Variants in ACYP2 observed in about 807,000 individuals in gnomAD.
ACYP2 encodes acylphosphatase 2.
Under a neutral mutation model 11.2 loss-of-function variants are expected in ACYP2, and 12 were observed. That is an observed-to-expected ratio of 1.08 (90% CI 0.69 to 1.74). The LOEUF is 1.74. Among genes scored for constraint, ACYP2 ranks in the 40% most tolerant of loss-of-function variants. The probability of loss-of-function intolerance (pLI) is 0.00; values close to 1 mark genes in which losing one functional copy is unlikely to be tolerated. For synonymous variants in ACYP2, 43 were observed against 32.2 expected, an observed-to-expected ratio of 1.33 and a Z score of -1.13; for missense variants, 134 against 101.9, an observed-to-expected ratio of 1.31 and a Z score of -1.35.
intron 6 of ACYP2, among the ~76,000 whole-genome samples, chr2:54,180,363 G>A (rs1405989295): frequency 3.3e-5 from 5 of 152,012 alleles, no homozygotes; most frequent in Non-Finnish European, 5.9e-5. Flanking sequence ...GTTAGCGGGT[G>A]GGGCTGAATA....
At chr2:54,159,785 C>T (rs7567556) in intron 6 of ACYP2, among the ~76,000 whole-genome samples, 11,848 of 152,104 alleles carry the variant, frequency 0.078, 882 homozygotes, top group African/African-American at 0.2. Flanking sequence ...CTTGCCTCTC[C>T]TTCTGGCTTC....
intron 5 of ACYP2, among the ~76,000 whole-genome samples, chr2:54,137,571 T>C (rs527884818): frequency 5.3e-5 from 8 of 152,330 alleles, no homozygotes; most frequent in African/African-American, 1.9e-4. Context: ...CTAAGGATAA[T>C]GGCCTCCAGC....
At chr2:53,982,873 T>A (rs1255619814) in intron 2 of ACYP2, among the ~76,000 whole-genome samples, 8 of 135,760 alleles carry the variant, frequency 5.9e-5, no homozygotes, top group African/African-American at 1.7e-4. Context: ...TGTGTGTGTG[T>A]GATATAAATA....
intron 6 of ACYP2, among the ~76,000 whole-genome samples, chr2:54,201,680 T>TTCTCTCTC (rs60167120): frequency 1.0e-4 from 11 of 107,284 alleles, no homozygotes; most frequent in South Asian, 3.7e-4. Context: ...CTTTCTTTCT[T>TTCTCTCTC]TCTCTCTCTC....
chr2:54,055,344 A>T lies in ACYP2; in HGVS notation c.156-1895A>T, dbSNP rs538046157. 2.0e-5 allele frequency among the ~76,000 whole-genome samples: 3 copies of T among 152,262 alleles called. No individual in the cohort carries two copies. In the South Asian group the frequency reaches 6.2e-4, roughly 32 times the overall value. ...CAGCCTGGTTTTTCTTAAATGAGATAATTTCTTCCTTTTTTCCTAAATCAT... is the reference window on the plus strand; with the variant it reads ...CAGCCTGGTTTTTCTTAAATGAGATTATTTCTTCCTTTTTTCCTAAATCAT... On this transcript the variant is annotated intron_variant, in intron 3 of 6. Transcript: ENST00000607452.
Position 54,150,730 on chromosome 2 carries a change from C to T in ACYP2, c.404+11982C>T, listed in dbSNP as rs150780670. 1.1e-3 allele frequency among the ~76,000 whole-genome samples: 131 copies of T among 123,754 alleles called. 1 individual carries two copies. The highest frequency in any genetic ancestry group is 3.7e-3 in the African/African-American group (118 of 32,146). The allele number at this position is 123,754 out of a possible 152,430, so 81.2% of individuals were successfully genotyped here. A position where few individuals can be genotyped will look rare whatever the true frequency, so the allele number is the denominator to read the frequency against. ...AGCCACGGCGCTTGGCTAGATTCTGCGTTTCTTTCTTTTTTTTTTTTTTTT... is the reference window on the plus strand; with the variant it reads ...AGCCACGGCGCTTGGCTAGATTCTGTGTTTCTTTCTTTTTTTTTTTTTTTT... On this transcript the variant is annotated intron_variant, in intron 6 of 6. Transcript: ENST00000607452.
At chr2:54,215,302 G>C (rs979421478) in intron 6 of ACYP2, among the ~76,000 whole-genome samples, 1 of 152,154 alleles carries the variant, frequency 6.6e-6, no homozygotes, top group Non-Finnish European at 1.5e-5. Flanking sequence ...GGAATGGTGA[G>C]AGAGGGCATC....
At chr2:53,996,940 C>A (rs1461708502) in intron 2 of ACYP2, among the ~76,000 whole-genome samples, 3 of 152,154 alleles carry the variant, frequency 2.0e-5, no homozygotes, top group African/African-American at 7.2e-5. Flanking sequence ...CTATTATGTA[C>A]AAAATAAAGC....
chr2:54,178,543 A>G (rs1683572927), intron 6 of ACYP2, among the ~76,000 whole-genome samples: 1 of 152,226 alleles, frequency 6.6e-6, no homozygotes, highest in African/African-American at 2.4e-5. Context: ...CTTCATTAAA[A>G]CAGCTAAACA....
intron 4 of ACYP2, among the ~76,000 whole-genome samples, chr2:54,120,765 G>A (rs6721970): frequency 0.23 from 35,114 of 152,016 alleles, 4,484 homozygotes; most frequent in South Asian, 0.41. Flanking sequence ...CAGGGGTGCC[G>A]TGACCAACTT....
chr2:54,126,719 G>A (rs1346353354), intron 4 of ACYP2, among the ~76,000 whole-genome samples: 1 of 151,992 alleles, frequency 6.6e-6, no homozygotes, highest in Non-Finnish European at 1.5e-5. Context: ...AGGCCTAGGC[G>A]GGCGGATCAC....
chr2:54,094,885 T>A (rs1009359383), intron 4 of ACYP2, among the ~76,000 whole-genome samples: 20 of 152,250 alleles, frequency 1.3e-4, no homozygotes, highest in African/African-American at 2.2e-4. Context: ...TGTTTTTTTT[T>A]AAACTTCCTT....
rs74421646 is a variant in ACYP2, at chr2:54,073,074, A to G, written c.277+15714A>G. ...GTAGACTAGAATTGAGAGTTCAGAA[A>G]TAAACTCTTATATTTACAGTCAATT... On this transcript the variant is annotated intron_variant, in intron 4 of 6. Coordinates refer to ENST00000607452, the MANE Select transcript of ACYP2 (RefSeq NM_001320586.2). Among the ~76,000 whole-genome samples, 718 of 152,360 alleles carry G rather than the reference A, an allele frequency of 4.7e-3. 10 individuals carry two copies. The highest frequency in any genetic ancestry group is 0.017 in the African/African-American group (698 of 41,588).
At chr2:54,292,796 T>C (rs945096145) in intron 6 of ACYP2, among the ~76,000 whole-genome samples, 4 of 152,192 alleles carry the variant, frequency 2.6e-5, no homozygotes, top group African/African-American at 9.7e-5. Context: ...AAAATATTTG[T>C]GACATGTCAT....
chr2:54,065,441 G>T (rs1029441503), intron 4 of ACYP2: 4 of 398,424 alleles, frequency 1.0e-5, no homozygotes, highest in African/African-American at 8.2e-5. Context: ...ATGACCAATT[G>T]TATGTACATT....
chr2:54,144,152 T>G (rs954775760), intron 6 of ACYP2, among the ~76,000 whole-genome samples: 6 of 151,986 alleles, frequency 3.9e-5, no homozygotes, highest in Non-Finnish European at 7.4e-5. Context: ...AAAAATTTTT[T>G]TGTGGAGGTG....
chr2:54,007,704 A>C (rs538089168), intron 2 of ACYP2, among the ~76,000 whole-genome samples: 1 of 152,284 alleles, frequency 6.6e-6, no homozygotes, highest in African/African-American at 2.4e-5. Context: ...GTCTCTACTA[A>C]AAGTATAAAA....
intron 4 of ACYP2, among the ~76,000 whole-genome samples, chr2:54,103,352 A>G (rs763609178): frequency 1.3e-5 from 2 of 152,200 alleles, no homozygotes; most frequent in Admixed American, 6.5e-5. Context: ...TTGGGTTTTT[A>G]TGAGTTATCT....
intron 6 of ACYP2, among the ~76,000 whole-genome samples, chr2:54,296,208 G>T (rs1249093716): frequency 6.6e-6 from 1 of 152,168 alleles, no homozygotes; most frequent in Non-Finnish European, 1.5e-5. Flanking sequence ...TTCACATAGG[G>T]GCAGTCAAAG....
Sources: gnomAD v4.1 joint callset for allele counts (sites outside exome capture counted in the v4.1 genomes callset) on GRCh38, gnomAD v4.1.1 for gene constraint, MANE v1.5 for transcripts, NCBI Gene and HGNC (gene_info 2026-07-23, HGNC 2026-07-21) for gene names.